TBCD: variants seen among roughly 807,000 people sequenced by gnomAD.
TBCD encodes the protein tubulin folding cofactor D, also known as tubulin-specific chaperone D.
In TBCD, 105 loss-of-function variants were observed where a neutral mutation model predicts 169.3. The observed-to-expected ratio is 0.62, with a 90% confidence interval of 0.53 to 0.73. The LOEUF is 0.73. Among genes scored for constraint, TBCD ranks in the 30% least tolerant of loss-of-function variants. The pLI, the probability that TBCD is intolerant of heterozygous loss-of-function variation, is 0.00. For missense variants in TBCD, 1,444 were observed against 1,600.1 expected (o/e 0.90, Z 1.66); for synonymous variants, 700 against 643.9 (o/e 1.09, Z -1.32).
chr17:82,801,687 GGCGGCGTGTGC>G, intron 9 of TBCD, among the ~76,000 whole-genome samples: 1 of 134,340 alleles, frequency 7.4e-6, no homozygotes, highest in Non-Finnish European at 1.6e-5. Context: ...GTGGCAGGAG[GGCGGCGTGTGC>G]GTTGTGTGGC....
intron 2 of TBCD, among the ~76,000 whole-genome samples, chr17:82,757,419 G>A (rs191148170): frequency 1.3e-5 from 2 of 152,090 alleles, no homozygotes; most frequent in African/African-American, 4.8e-5. Flanking sequence ...TCGGGAGTTC[G>A]AGACCAGCAT....
intron 14 of TBCD, among the ~76,000 whole-genome samples, chr17:82,876,697 A>G (rs1025862023): frequency 1.3e-5 from 2 of 152,264 alleles, no homozygotes; most frequent in African/African-American, 4.8e-5. Flanking sequence ...AGTTAAAAAC[A>G]GCGTTTCTCA....
chr17:82,765,592 G>A (rs1200488678), intron 3 of TBCD, among the ~76,000 whole-genome samples: 1 of 152,164 alleles, frequency 6.6e-6, no homozygotes, highest in Non-Finnish European at 1.5e-5. Flanking sequence ...GGACACTGCG[G>A]GTGAGCTGCC....
intron 17 of TBCD, among the ~76,000 whole-genome samples, chr17:82,895,096 T>G (rs1449001786): frequency 6.6e-6 from 1 of 152,234 alleles, no homozygotes; most frequent in Non-Finnish European, 1.5e-5. Flanking sequence ...AAAACTCGCA[T>G]GTAATTAGCT....
chr17:82,781,435 G>A (rs561981499), intron 6 of TBCD, among the ~76,000 whole-genome samples, 154 bp from the exon 7 acceptor site: 32 of 151,944 alleles, frequency 2.1e-4, no homozygotes, highest in African/African-American at 6.0e-4. Flanking sequence ...GGAACTAGCT[G>A]GAGGAGGACA....
At chr17:82,885,892 G>A (rs1029065035) in intron 15 of TBCD, among the ~76,000 whole-genome samples, 8 of 152,168 alleles carry the variant, frequency 5.3e-5, no homozygotes, top group African/African-American at 1.7e-4. Flanking sequence ...TTGAAGCTTA[G>A]TTGGAAATGT....
chr17:82,931,691 C>G (rs972547998), intron 33 of TBCD, among the ~76,000 whole-genome samples: 15 of 152,214 alleles, frequency 9.9e-5, no homozygotes, highest in African/African-American at 3.6e-4. Context: ...GGGCCTCCCT[C>G]TCTGTGGGCT....
chr17:82,893,496 C>G, intron 16 of TBCD, 51 bp from the exon 17 acceptor site: 1 of 1,388,874 alleles, frequency 7.2e-7, no homozygotes, highest in South Asian at 1.3e-5. Context: ...TGGTGAAATG[C>G]CTTTGTTCAT....
chr17:82,911,535 T>C (rs2060642510), intron 22 of TBCD, among the ~76,000 whole-genome samples: 1 of 152,210 alleles, frequency 6.6e-6, no homozygotes, highest in Non-Finnish European at 1.5e-5. Flanking sequence ...CCAGTAAAAA[T>C]TAAAAATCAG....
chr17:82,767,657 T>C (rs1205797997), intron 4 of TBCD, among the ~76,000 whole-genome samples: 4 of 152,036 alleles, frequency 2.6e-5, no homozygotes, highest in Non-Finnish European at 5.9e-5. Context: ...GTCAGGCTGG[T>C]TTAGGACTCT....
chr17:82,807,298 G>A (rs551615477), intron 10 of TBCD, among the ~76,000 whole-genome samples: 37 of 152,292 alleles, frequency 2.4e-4, no homozygotes, highest in African/African-American at 7.7e-4. Flanking sequence ...CGTGAGCTGC[G>A]GGCTCTTCCC....
intron 16 of TBCD, 60 bp from the exon 17 acceptor site, chr17:82,893,487 G>T: frequency 7.5e-7 from 1 of 1,325,600 alleles, no homozygotes. Flanking sequence ...TATTGAACTT[G>T]GTGAAATGCC....
At chr17:82,803,806 G>T (rs939199039) in intron 9 of TBCD, among the ~76,000 whole-genome samples, 1 of 152,100 alleles carries the variant, frequency 6.6e-6, no homozygotes, top group Non-Finnish European at 1.5e-5. Context: ...TTTGTGAGGT[G>T]GCTGAGCTGC....
intron 12 of TBCD, among the ~76,000 whole-genome samples, chr17:82,810,564 C>CG (rs1402003924): frequency 6.6e-6 from 1 of 152,092 alleles, no homozygotes; most frequent in Non-Finnish European, 1.5e-5. Flanking sequence ...CTGGGATGTG[C>CG]GGGTGGCAGG....
Position 82,864,951 on chromosome 17 carries a change from C to A in TBCD, c.1319-5273C>A, listed in dbSNP as rs1288323441. 6.6e-6 allele frequency among the ~76,000 whole-genome samples: 1 copy of A among 151,874 alleles called. No homozygotes were observed. Among genetic ancestry groups the A allele is most frequent in the East Asian group, 2.0e-4 (1 of 5,068 alleles). On this transcript the variant is annotated intron_variant, in intron 13 of 38. Coordinates refer to ENST00000355528, the MANE Select transcript of TBCD (RefSeq NM_005993.5). This position sits in a 1 kb window ranked among gnomAD's most constrained non-coding sequence, Gnocchi z 6.3. Reference sequence around the variant, plus strand: ...TGTTGGGGGTGGGGCTCCTTGCCCCCCAAGGGCAGGCCGAGCACCAAGTCT... The same window carrying A: ...TGTTGGGGGTGGGGCTCCTTGCCCCACAAGGGCAGGCCGAGCACCAAGTCT...
intron 6 of TBCD, among the ~76,000 whole-genome samples, chr17:82,773,573 G>T (rs906672414): frequency 6.6e-6 from 1 of 152,132 alleles, no homozygotes; most frequent in African/African-American, 2.4e-5. Flanking sequence ...CGCCAACTCT[G>T]TCCATGGTCT....
intron 23 of TBCD, among the ~76,000 whole-genome samples, chr17:82,912,413 G>T (rs1599484592): frequency 1.3e-5 from 2 of 152,208 alleles, no homozygotes; most frequent in Non-Finnish European, 2.9e-5. Flanking sequence ...ATTTTAGACT[G>T]TTCCACAGAG....
At chr17:82,887,651 G>A (rs1333869961) in intron 15 of TBCD, among the ~76,000 whole-genome samples, 1 of 152,146 alleles carries the variant, frequency 6.6e-6, no homozygotes, top group African/African-American at 2.4e-5. Flanking sequence ...TTTCTGGGTC[G>A]TGGTAGTTGG....
At chr17:82,755,789 T>C (rs1233880945) in intron 1 of TBCD, among the ~76,000 whole-genome samples, 1 of 152,130 alleles carries the variant, frequency 6.6e-6, no homozygotes, top group African/African-American at 2.4e-5. Context: ...GTGCCAGGGA[T>C]GTGTGTCTCA....
Sources: allele counts gnomAD v4.1 joint callset (sites outside exome capture counted in the v4.1 genomes callset), GRCh38; gene constraint gnomAD v4.1.1; non-coding constraint Gnocchi (gnomAD v3.1); transcripts MANE v1.5; gene names NCBI Gene and HGNC (gene_info 2026-07-23, HGNC 2026-07-21).